Variants in AKAP12 observed in about 807,000 individuals in gnomAD.
AKAP12 encodes A-kinase anchoring protein 12.
In AKAP12, 32 loss-of-function variants were observed where a neutral mutation model predicts 79.9. The ratio of observed to expected loss-of-function variants is 0.40; its 90% CI spans 0.30 to 0.54. The LOEUF (loss-of-function observed/expected upper bound fraction) is 0.54, where lower values mean the gene tolerates loss of function less well. Ranked by LOEUF, AKAP12 falls within the 20% of genes least tolerant of loss-of-function variation. AKAP12 has a pLI of 0.48. For synonymous variants in AKAP12, 808 were observed against 857.0 expected, an observed-to-expected ratio of 0.94 and a Z score of 1.00; for missense variants, 2,074 against 2,177.0, an observed-to-expected ratio of 0.95 and a Z score of 0.94.
At chr6:151,289,576 T>C (rs1304383382) in intron 2 of AKAP12, among the ~76,000 whole-genome samples, 1 of 152,216 alleles carries the variant, frequency 6.6e-6, no homozygotes, top group Non-Finnish European at 1.5e-5. Flanking sequence ...TCCCTTTTTT[T>C]CTCAGTAGAG....
chr6:151,348,680 T>TGCCCAC, intron 3 of AKAP12, 31 bp from the exon 4 acceptor site: 1 of 355,202 alleles, frequency 2.8e-6, no homozygotes. Flanking sequence ...TTTTCTCTTC[T>TGCCCAC]CCCCACCCCC....
chr6:151,337,475 A>T (rs1443697570), intron 3 of AKAP12, among the ~76,000 whole-genome samples: 1 of 148,278 alleles, frequency 6.7e-6, no homozygotes, highest in Admixed American at 6.8e-5. Flanking sequence ...AGATCGCGCC[A>T]TTGCACTCCA....
chr6:151,309,586 T>G (rs1252996972), intron 3 of AKAP12, among the ~76,000 whole-genome samples: 1 of 152,196 alleles, frequency 6.6e-6, no homozygotes, highest in African/African-American at 2.4e-5. Context: ...GAATTCTGCT[T>G]CTTTGTAAAC....
intron 3 of AKAP12, among the ~76,000 whole-genome samples, chr6:151,309,465 T>C (rs1409881955): frequency 2.6e-5 from 4 of 152,220 alleles, no homozygotes; most frequent in African/African-American, 7.2e-5. Flanking sequence ...TACTTTACAG[T>C]GGCAGACAAA....
rs778287764 is a variant in AKAP12, at chr6:151,353,020, G to A, written c.4629G>A (p.Glu1543=). The A allele has an allele frequency of 1.2e-6, 2 of 1,614,036 alleles. No individual in the cohort carries two copies. The highest frequency in any genetic ancestry group is 2.2e-5 in the South Asian group (2 of 91,068). Residue 1543 remains glutamate (E), a synonymous_variant, in exon 4 of 5, where the codon GAG becomes GAA. Transcript: ENST00000402676. ...LEPENGILEL[E]TKSSKLVQNI... is the part of the protein sequence containing the mutation. ...CTGAAAATGGGATTTTGGAACTTGA[G>A]ACCAAAAGCAGTAAACTTGTCCAAA...
chr6:151,313,702 GACTTCTGTTC>G (rs200726686), intron 3 of AKAP12, among the ~76,000 whole-genome samples: 2,119 of 152,306 alleles, frequency 0.014, 59 homozygotes, highest in African/African-American at 0.045. Flanking sequence ...AGGACAGCAA[GACTTCTGTTC>G]ACCCTTTCTC....
rs111400825 is a variant in AKAP12 at position 151,344,036 on chromosome 6, T to G, written c.320-4675T>G. Reference sequence around the variant, plus strand: ...TTTGAATATTTGCTTCAAAGTTTAATATGAGTGTTTAATTTTTCCTTATTG... The same window carrying G: ...TTTGAATATTTGCTTCAAAGTTTAAGATGAGTGTTTAATTTTTCCTTATTG... On this transcript the variant is annotated intron_variant, in intron 3 of 4. Coordinates refer to ENST00000402676, the MANE Select transcript of AKAP12 (RefSeq NM_005100.4). The G allele has an allele frequency of 1.6e-3, 597 of 377,756 alleles. 4 individuals are homozygous for G. The highest frequency in any genetic ancestry group is 0.013 in the African/African-American group (573 of 45,718). The allele number at this position is 377,756 out of a possible 1,614,324, so 23.4% of individuals were successfully genotyped here. A position where few individuals can be genotyped will look rare whatever the true frequency, so the allele number is the denominator to read the frequency against.
rs1778361860 is a variant in AKAP12 at position 151,353,617 on chromosome 6, G to A, written c.5226G>A (p.Gln1742=). The change falls in exon 4 of 5, where the codon CAG becomes CAA. Residue 1742 remains glutamine, a synonymous_variant. Transcript: ENST00000402676. ...GPKQKEKEDA[Q]EVELQEGKVH... ...AACAAAAAGAGAAGGAGGATGCCCA[G>A]GAAGTAGAATTGCAGGAAGGAAAAG... is the stretch of plus-strand genomic sequence containing the variant. 4 of 1,613,966 alleles carry A rather than the reference G, an allele frequency of 2.5e-6. No individual in the cohort carries two copies. The highest frequency in any genetic ancestry group is 1.1e-5 in the South Asian group (1 of 91,078).
chr6:151,312,672 G>A (rs1481001938), intron 3 of AKAP12, among the ~76,000 whole-genome samples: 6 of 151,492 alleles, frequency 4.0e-5, no homozygotes, highest in Admixed American at 1.3e-4. Flanking sequence ...GGCGCCTGTA[G>A]TCCCAGCCAC....
chr6:151,337,252 C>T (rs1393094216), intron 3 of AKAP12, among the ~76,000 whole-genome samples: 1 of 151,784 alleles, frequency 6.6e-6, no homozygotes, highest in Non-Finnish European at 1.5e-5. Flanking sequence ...CACCTGTAAT[C>T]CCAGCACTTT....
intron 3 of AKAP12, among the ~76,000 whole-genome samples, chr6:151,330,857 A>G (rs1023655840): frequency 1.3e-5 from 2 of 152,174 alleles, no homozygotes; most frequent in East Asian, 1.9e-4. Flanking sequence ...CTGTCTCTAC[A>G]TTATATGGAG....
intron 2 of AKAP12, among the ~76,000 whole-genome samples, chr6:151,300,956 A>G (rs1243115123): frequency 1.3e-5 from 2 of 152,228 alleles, no homozygotes; most frequent in African/African-American, 2.4e-5. Context: ...CTCAAAAGAA[A>G]TAACTATTTA....
chr6:151,275,281 C>T (rs987706284), intron 2 of AKAP12, among the ~76,000 whole-genome samples: 8 of 152,100 alleles, frequency 5.3e-5, no homozygotes, highest in Middle Eastern at 3.4e-3. Context: ...ATTTGAAAGG[C>T]GAGAGGTTTG....
intron 3 of AKAP12, chr6:151,344,072 C>T (rs1276499733): frequency 7.0e-6 from 2 of 286,952 alleles, no homozygotes; most frequent in Non-Finnish European, 1.4e-5. Context: ...TTTGTTAAGT[C>T]TAATGTTGGT....
chr6:151,289,661 TAAGAA>T (rs1776573732), intron 2 of AKAP12, among the ~76,000 whole-genome samples: 1 of 152,116 alleles, frequency 6.6e-6, no homozygotes, highest in African/African-American at 2.4e-5. Context: ...ACCAGGAAAA[TAAGAA>T]AGAAAAGAAA....
chr6:151,291,158 G>T (rs1776610919), intron 2 of AKAP12, among the ~76,000 whole-genome samples: 1 of 152,166 alleles, frequency 6.6e-6, no homozygotes, highest in Non-Finnish European at 1.5e-5. Context: ...CTCTGAGACA[G>T]CAGCTGCCCA....
intron 2 of AKAP12, among the ~76,000 whole-genome samples, chr6:151,299,558 T>A (rs994656411): frequency 1.3e-5 from 2 of 152,216 alleles, no homozygotes; most frequent in Non-Finnish European, 2.9e-5. Context: ...TCTCCCTCTT[T>A]GTCAGTGGGT....
chr6:151,313,341 G>T (rs1269606751), intron 3 of AKAP12, among the ~76,000 whole-genome samples: 1 of 152,186 alleles, frequency 6.6e-6, no homozygotes, highest in Admixed American at 6.5e-5. Flanking sequence ...CAATATTATT[G>T]CATGACATTT....
intron 2 of AKAP12, among the ~76,000 whole-genome samples, chr6:151,304,977 C>G (rs906338473): frequency 6.6e-6 from 1 of 152,160 alleles, no homozygotes; most frequent in African/African-American, 2.4e-5. Context: ...AACAATGACC[C>G]AAATGGACAT....
Sources: allele counts gnomAD v4.1 joint callset (sites outside exome capture counted in the v4.1 genomes callset), GRCh38; gene constraint gnomAD v4.1.1; transcripts MANE v1.5; gene names NCBI Gene and HGNC (gene_info 2026-07-23, HGNC 2026-07-21).